Variants in AOPEP observed in about 807,000 individuals in gnomAD.
The protein encoded by AOPEP is aminopeptidase O (putative).
Under a neutral mutation model 98.1 loss-of-function variants are expected in AOPEP, and 77 were observed. That is an observed-to-expected ratio of 0.78 (90% CI 0.65 to 0.95). The LOEUF (loss-of-function observed/expected upper bound fraction) is 0.95. AOPEP is among the 40% of genes least tolerant of loss of function. The pLI is 0.00. For missense variants in AOPEP, 1,024 were observed against 1,024.7 expected (o/e 1.00, Z 0.01); for synonymous variants, 346 against 365.3 (o/e 0.95, Z 0.60).
intron 4 of AOPEP, among the ~76,000 whole-genome samples, chr9:94,800,184 AT>A (rs1376007061): frequency 6.6e-6 from 1 of 152,192 alleles, no homozygotes; most frequent in Non-Finnish European, 1.5e-5. Context: ...ACAGCTTTTG[AT>A]GGGCTGTGTA....
At chr9:94,784,190 T>C (rs1308331211) in intron 3 of AOPEP, among the ~76,000 whole-genome samples, 1 of 152,238 alleles carries the variant, frequency 6.6e-6, no homozygotes, top group Non-Finnish European at 1.5e-5. Flanking sequence ...AGAGTGGTTA[T>C]GTGTGTGTGG....
At chr9:94,955,131 T>A in intron 7 of AOPEP, 46 bp from the exon 8 acceptor site, 1 of 1,118,380 alleles carries the variant, frequency 8.9e-7, no homozygotes, top group Non-Finnish European at 1.3e-6. Flanking sequence ...ACCTAATTAC[T>A]TAAGAATGTG....
At chr9:94,888,116 A>G (rs2048438943) in intron 5 of AOPEP, among the ~76,000 whole-genome samples, 2 of 152,246 alleles carry the variant, frequency 1.3e-5, no homozygotes, top group Admixed American at 6.5e-5. Context: ...TGACAAGTCA[A>G]GGAGTGAAAA....
chr9:94,743,167 AAAGAAGAAGAAGAAG>A (rs138111726), intron 1 of AOPEP, among the ~76,000 whole-genome samples: 14,272 of 142,812 alleles, frequency 0.1, 879 homozygotes, highest in South Asian at 0.16. Context: ...TTGCAATATA[AAAGAAGAAGAAGAAG>A]AAGAAGAAGA....
At chr9:95,105,522 T>TA in the AOPEP span, among the ~76,000 whole-genome samples, 4 of 152,220 alleles carry the variant, frequency 2.6e-5, no homozygotes, top group Non-Finnish European at 5.9e-5. Context: ...TAAATTGTGG[T>TA]AAAATATACA....
intron 4 of AOPEP, among the ~76,000 whole-genome samples, chr9:94,797,618 T>G (rs1847285156): frequency 6.6e-6 from 1 of 152,106 alleles, no homozygotes; most frequent in Non-Finnish European, 1.5e-5. Flanking sequence ...AGTGTTCAGC[T>G]TGATGAGTTT....
chr9:95,005,432 G>A, intron 12 of AOPEP, 110 bp from the exon 13 acceptor site: 1 of 1,164,066 alleles, frequency 8.6e-7, no homozygotes, highest in Non-Finnish European at 1.3e-6. Context: ...GCCTCCCGAG[G>A]TGCGGGGAAG....
intron 7 of AOPEP, among the ~76,000 whole-genome samples, chr9:94,945,019 A>G (rs1057030892): frequency 6.6e-6 from 1 of 152,168 alleles, no homozygotes; most frequent in South Asian, 2.1e-4. Flanking sequence ...GGAGACATGG[A>G]AAAAGAAATT....
At chr9:94,877,353 C>T (rs945869200) in intron 5 of AOPEP, among the ~76,000 whole-genome samples, 3 of 151,138 alleles carry the variant, frequency 2.0e-5, no homozygotes, top group South Asian at 2.1e-4. Context: ...TTTTTGGGTT[C>T]GTTTATAGCA....
At chr9:94,985,158 G>A (rs2060439677) in intron 11 of AOPEP, among the ~76,000 whole-genome samples, 1 of 152,284 alleles carries the variant, frequency 6.6e-6, no homozygotes, top group Non-Finnish European at 1.5e-5. Flanking sequence ...GGAGGAGAGA[G>A]AAGATGGGAA....
the AOPEP span, chr9:95,117,363 G>T: frequency 6.2e-7 from 1 of 1,614,072 alleles, no homozygotes; most frequent in African/African-American, 1.3e-5. Flanking sequence ...GAAGTGTAAG[G>T]AAAGTAGGTC....
intron 4 of AOPEP, 54 bp downstream of exon 4, chr9:94,792,972 C>CTA (rs1223348337): frequency 6.6e-7 from 1 of 1,509,382 alleles, no homozygotes; most frequent in Non-Finnish European, 9.0e-7. Context: ...CTTGAGGGAG[C>CTA]GGTATGATGC....
At chr9:95,028,068 A>G (rs902891868) in intron 13 of AOPEP, among the ~76,000 whole-genome samples, 1 of 152,234 alleles carries the variant, frequency 6.6e-6, no homozygotes, top group Admixed American at 6.5e-5. Flanking sequence ...GAAGCGGGGC[A>G]TGCAGTCTGT....
At chr9:95,139,757 G>C in the AOPEP span, among the ~76,000 whole-genome samples, 1 of 150,590 alleles carries the variant, frequency 6.6e-6, no homozygotes, top group Non-Finnish European at 1.5e-5. Flanking sequence ...GCAGGATGAG[G>C]AGGAGGAGGT....
chr9:95,133,398 G>T, the AOPEP span, among the ~76,000 whole-genome samples: 3 of 152,238 alleles, frequency 2.0e-5, no homozygotes, highest in African/African-American at 4.8e-5. Context: ...TGGAAGCTCT[G>T]AATTTCTGCA....
chr9:94,761,485 CTG>C, intron 2 of AOPEP, among the ~76,000 whole-genome samples: 1 of 152,130 alleles, frequency 6.6e-6, no homozygotes, highest in Non-Finnish European at 1.5e-5. Context: ...ACGTTGACCT[CTG>C]TTAGCTGGGT....
chr9:94,898,547 C>T (rs537145873), intron 5 of AOPEP, among the ~76,000 whole-genome samples: 1 of 151,610 alleles, frequency 6.6e-6, no homozygotes. Context: ...GCAGGAGAAT[C>T]GCTTGAACCC....
chr9:94,737,182 T>G (rs1383279880), intron 1 of AOPEP, among the ~76,000 whole-genome samples: 1 of 152,010 alleles, frequency 6.6e-6, no homozygotes, highest in African/African-American at 2.4e-5. Context: ...CCAGCTGGAG[T>G]GCAGGCTCAA....
At chr9:94,839,753 T>A (rs971448409) in intron 5 of AOPEP, among the ~76,000 whole-genome samples, 11 of 151,820 alleles carry the variant, frequency 7.2e-5, no homozygotes, top group African/African-American at 2.4e-4. Flanking sequence ...GTGGTAAGAG[T>A]GGACATCTTT....
Sources: gnomAD v4.1 joint callset for allele counts (sites outside exome capture counted in the v4.1 genomes callset) on GRCh38, gnomAD v4.1.1 for gene constraint, MANE v1.5 for transcripts, NCBI Gene and HGNC (gene_info 2026-07-23, HGNC 2026-07-21) for gene names.